The following RABGAP1L variants were observed in gnomAD, a reference collection of about 807,000 sequenced individuals.
The protein encoded by RABGAP1L is rab GTPase-activating protein 1-like.
Under a neutral mutation model 137.7 loss-of-function variants are expected in RABGAP1L, and 63 were observed. The observed-to-expected ratio is 0.46, with a 90% confidence interval of 0.37 to 0.56. RABGAP1L has a LOEUF of 0.56. RABGAP1L is among the 20% of genes least tolerant of loss of function. The pLI is 0.00. For missense variants in RABGAP1L, 1,095 were observed against 1,244.0 expected (o/e 0.88, Z 1.80); for synonymous variants, 431 against 433.7 (o/e 0.99, Z 0.08).
At chr1:174,505,689 C>T (rs572958941) in intron 13 of RABGAP1L, among the ~76,000 whole-genome samples, 14 of 152,130 alleles carry the variant, frequency 9.2e-5, no homozygotes, top group Middle Eastern at 6.8e-3. Flanking sequence ...AACCCTTGCA[C>T]GCTGTTGGTG....
chr1:174,651,926 A>G (rs1362222829), intron 14 of RABGAP1L, among the ~76,000 whole-genome samples: 1 of 152,122 alleles, frequency 6.6e-6, no homozygotes, highest in Non-Finnish European at 1.5e-5. Context: ...GTTTTTTCCT[A>G]GACTCGATGG....
chr1:174,842,442 A>G (rs973844033), intron 19 of RABGAP1L, among the ~76,000 whole-genome samples: 3 of 152,198 alleles, frequency 2.0e-5, no homozygotes, highest in Non-Finnish European at 2.9e-5. Flanking sequence ...AGAACCATAG[A>G]TCATATATTC....
chr1:174,226,243 T>C (rs1670165960), intron 3 of RABGAP1L, among the ~76,000 whole-genome samples: 1 of 152,196 alleles, frequency 6.6e-6, no homozygotes, highest in Non-Finnish European at 1.5e-5. Flanking sequence ...CACTTTCCTC[T>C]CCACTCTGGC....
chr1:174,449,658 T>C (rs1211186648), intron 13 of RABGAP1L, among the ~76,000 whole-genome samples: 1 of 152,210 alleles, frequency 6.6e-6, no homozygotes, highest in African/African-American at 2.4e-5. Flanking sequence ...GTATAATCTT[T>C]TGCATCAAAG....
intron 14 of RABGAP1L, among the ~76,000 whole-genome samples, chr1:174,649,052 G>C (rs1217751260): frequency 6.6e-6 from 1 of 151,826 alleles, no homozygotes; most frequent in African/African-American, 2.4e-5. Flanking sequence ...CCATTTGCTT[G>C]GTAAATATTC....
intron 5 of RABGAP1L, chr1:174,242,913 T>A (rs896813205): frequency 2.6e-5 from 4 of 152,180 alleles, no homozygotes; most frequent in African/African-American, 9.7e-5. Flanking sequence ...AATATAAATA[T>A]GCTGAAGGAA....
intron 20 of RABGAP1L, among the ~76,000 whole-genome samples, chr1:174,966,576 A>G (rs902834293): frequency 2.0e-5 from 3 of 152,224 alleles, no homozygotes; most frequent in African/African-American, 7.2e-5. Context: ...TGTGTTGCTT[A>G]GGCAAAGATT....
chr1:174,717,003 A>C (rs1251016885), intron 17 of RABGAP1L, among the ~76,000 whole-genome samples: 3 of 152,194 alleles, frequency 2.0e-5, no homozygotes, highest in Non-Finnish European at 4.4e-5. Context: ...GGCAGGCAAG[A>C]ATCCATTTTA....
chr1:174,577,965 T>A (rs1287922106), intron 13 of RABGAP1L, among the ~76,000 whole-genome samples: 1 of 152,230 alleles, frequency 6.6e-6, no homozygotes, highest in Non-Finnish European at 1.5e-5. Context: ...TTCTCTTTTT[T>A]CAATTGCCAA....
intron 1 of RABGAP1L, among the ~76,000 whole-genome samples, chr1:174,163,507 A>G (rs1664672402): frequency 6.6e-6 from 1 of 152,046 alleles, no homozygotes; most frequent in Non-Finnish European, 1.5e-5. Flanking sequence ...CAGTTGATTT[A>G]GAGTTAGATT....
chr1:174,989,824 C>T, intron 25 of RABGAP1L, 25 bp from the exon 26 acceptor site: 3 of 1,544,184 alleles, frequency 1.9e-6, no homozygotes, highest in African/African-American at 1.4e-5. Context: ...TTATTTAACT[C>T]AGATGATTTT....
Position 174,179,458 on chromosome 1 carries a change from C to T in RABGAP1L, c.-34+19801C>T, listed in dbSNP as rs143428503. 3.4e-4 allele frequency among the ~76,000 whole-genome samples: 51 copies of T among 152,086 alleles called. No individual in the cohort carries two copies. The Middle Eastern group carries it at 0.014, about 41-fold the overall frequency. ...GCAGAAATACTTTGTGTATTTCCTA[C>T]TTTGTCACATAGAATGTTAAAAAGA... On this transcript the variant is annotated intron_variant, in intron 1 of 25. Coordinates refer to ENST00000681986, the MANE Select transcript of RABGAP1L (RefSeq NM_001366446.1).
At chr1:174,805,545 A>G (rs1423527014) in intron 18 of RABGAP1L, among the ~76,000 whole-genome samples, 1 of 152,232 alleles carries the variant, frequency 6.6e-6, no homozygotes, top group Non-Finnish European at 1.5e-5. Context: ...TCTGTTGCCC[A>G]GGCTGGAGTG....
chr1:174,701,050 A>T (rs111308791), intron 16 of RABGAP1L: 1 of 1,302,654 alleles, frequency 7.7e-7, no homozygotes, highest in Non-Finnish European at 1.0e-6. Context: ...CAAAGAGAGC[A>T]TGTAGTTCAA....
chr1:174,874,578 CTTTTTTT>C lies in RABGAP1L; in HGVS notation c.2340+62637_2340+62643del, dbSNP rs10530813. 3.8e-3 allele frequency: 890 copies of C among 232,616 alleles called. 11 individuals are homozygous for C. Among genetic ancestry groups the C allele is most frequent in the African/African-American group, 0.032 (644 of 19,946 alleles). 14.4% of individuals were successfully genotyped at this position (232,616 alleles called of 1,614,324 possible). On this transcript the variant is annotated intron_variant, in intron 19 of 25. Coordinates refer to ENST00000681986, the MANE Select transcript of RABGAP1L (RefSeq NM_001366446.1). ...CTCAGGTAATTCTCCACACCACTGC[CTTTTTTT>C]TTTTTTTTTTTTTTTTTTCCAATGC...
At chr1:174,682,317 T>TAC (rs531495515) in intron 14 of RABGAP1L, among the ~76,000 whole-genome samples, 3,022 of 148,608 alleles carry the variant, frequency 0.02, 40 homozygotes, top group South Asian at 0.03. Context: ...TATATATATA[T>TAC]ACACACACAC....
At chr1:174,309,105 A>G (rs1216974082) in intron 11 of RABGAP1L, among the ~76,000 whole-genome samples, 2 of 151,956 alleles carry the variant, frequency 1.3e-5, no homozygotes, top group South Asian at 2.1e-4. Flanking sequence ...GGTTAAATTT[A>G]TTTCTAAGTA....
At chr1:174,857,516 T>C (rs1431903616) in intron 19 of RABGAP1L, among the ~76,000 whole-genome samples, 2 of 152,230 alleles carry the variant, frequency 1.3e-5, no homozygotes, top group Admixed American at 6.5e-5. Context: ...TTGTATCTTA[T>C]ATTTATGAGT....
intron 17 of RABGAP1L, among the ~76,000 whole-genome samples, chr1:174,708,362 A>G (rs1680206237): frequency 2.0e-5 from 3 of 152,200 alleles, no homozygotes; most frequent in African/African-American, 7.2e-5. Context: ...CAAGATGGCC[A>G]AATAGGAAGA....
Sources: gnomAD v4.1 joint callset for allele counts (sites outside exome capture counted in the v4.1 genomes callset) on GRCh38, gnomAD v4.1.1 for gene constraint, MANE v1.5 for transcripts, NCBI Gene and HGNC (gene_info 2026-07-23, HGNC 2026-07-21) for gene names.